Variants in ARHGAP35 observed in about 807,000 individuals in gnomAD.
ARHGAP35 encodes the protein Rho GTPase activating protein 35.
In ARHGAP35, 15 loss-of-function variants were observed where a neutral mutation model predicts 111.1. That is an observed-to-expected ratio of 0.13 (90% CI 0.09 to 0.21). The LOEUF (loss-of-function observed/expected upper bound fraction) is 0.21. Among genes scored for constraint, ARHGAP35 ranks in the 10% least tolerant of loss-of-function variants. The pLI is 1.00. For synonymous variants in ARHGAP35, 643 were observed against 710.3 expected (o/e 0.91, Z 1.51); for missense variants, 1,262 against 1,873.0 (o/e 0.67, Z 6.02).
In ARHGAP35 at chr19:46,921,750, T is replaced by C; in HGVS notation, c.3075T>C (p.Ile1025=). 3 of 1,613,974 alleles carry C rather than the reference T, an allele frequency of 1.9e-6. No individual in the cohort carries two copies. The highest frequency in any genetic ancestry group is 2.5e-6 in the Non-Finnish European group (3 of 1,179,886). The change falls in exon 2 of 7, where the codon ATT becomes ATC. Residue 1025 remains isoleucine (I), a synonymous_variant. Transcript: ENST00000672722. This position sits in a 1 kb window ranked among gnomAD's most constrained non-coding sequence, Gnocchi z 4.3. The stretch of plus-strand genomic sequence containing the variant: ...AGGGAAATGATGGGCTGTCTTTCAT[T>C]ATGAGCAATTTTGAGAGTAAACTGA... ...ELEGNDGLSF[I]MSNFESKLNN...
intron 2 of ARHGAP35, among the ~76,000 whole-genome samples, chr19:46,933,666 TTTATACTGG>T (rs1454844074): frequency 6.6e-6 from 1 of 152,126 alleles, no homozygotes; most frequent in Non-Finnish European, 1.5e-5. Context: ...TTGTAAAGAA[TTTATACTGG>T]CTGGGTGCGG....
chr19:46,934,035 T>G (rs1272004084), intron 2 of ARHGAP35, among the ~76,000 whole-genome samples: 1 of 152,222 alleles, frequency 6.6e-6, no homozygotes, highest in Non-Finnish European at 1.5e-5. Context: ...CTTTGCAGCT[T>G]CCATTTCTGT....
chr19:46,955,293 A>G (rs930192975), intron 3 of ARHGAP35, among the ~76,000 whole-genome samples: 4 of 152,164 alleles, frequency 2.6e-5, no homozygotes, highest in South Asian at 2.1e-4. Context: ...TAGTTTGGAA[A>G]ACTTTTAAAT....
At chr19:46,956,201 C>T (rs1262103998) in intron 3 of ARHGAP35, among the ~76,000 whole-genome samples, 1 of 152,066 alleles carries the variant, frequency 6.6e-6, no homozygotes, top group Admixed American at 6.6e-5. Context: ...ACCTGTAGTC[C>T]CAGCTACTTG....
Position 46,920,529 on chromosome 19 carries a change from T to C in ARHGAP35, c.1854T>C (p.Ala618=). Reference sequence around the variant, plus strand: ...GAGAGTTGGCCAATGAGATTCGAGCTCTTTGTACAAATGATGACAAGTATG... The same window carrying C: ...GAGAGTTGGCCAATGAGATTCGAGCCCTTTGTACAAATGATGACAAGTATG... ...LARELANEIR[A]LCTNDDKYVI... is the part of the protein sequence containing the mutation. Residue 618 remains alanine (A), a synonymous_variant, in exon 2 of 7, where the codon GCT becomes GCC. Coordinates refer to ENST00000672722, the MANE Select transcript of ARHGAP35 (RefSeq NM_004491.5). The surrounding 1 kb of genome is among the most constrained non-coding windows in gnomAD (Gnocchi z 7.0). 5 of 1,614,000 alleles carry C rather than the reference T, an allele frequency of 3.1e-6. No individual in the cohort carries two copies. The highest frequency in any genetic ancestry group is 4.2e-6 in the Non-Finnish European group (5 of 1,179,860).
At chr19:46,923,027 A>T (rs958894202) in intron 2 of ARHGAP35, among the ~76,000 whole-genome samples, 3 of 151,980 alleles carry the variant, frequency 2.0e-5, no homozygotes, top group Non-Finnish European at 2.9e-5. Flanking sequence ...AGGGAGAGAA[A>T]AGAAAAAGTT....
At chr19:46,872,079 T>C (rs2055890666) in intron 1 of ARHGAP35, among the ~76,000 whole-genome samples, 1 of 152,132 alleles carries the variant, frequency 6.6e-6, no homozygotes, top group Admixed American at 6.6e-5. Flanking sequence ...TATATGAATG[T>C]TTATAAATTT....
intron 3 of ARHGAP35, among the ~76,000 whole-genome samples, chr19:46,984,343 T>C (rs913015636): frequency 6.6e-6 from 1 of 152,116 alleles, no homozygotes; most frequent in African/African-American, 2.4e-5. Flanking sequence ...CAGTGGGGTG[T>C]TCTAGACACA....
intron 1 of ARHGAP35, among the ~76,000 whole-genome samples, chr19:46,890,781 C>T (rs1355735013): frequency 1.3e-5 from 2 of 152,216 alleles, no homozygotes; most frequent in African/African-American, 4.8e-5. Context: ...TCAAATGGAA[C>T]TCACTTAAAA....
intron 1 of ARHGAP35, among the ~76,000 whole-genome samples, chr19:46,862,045 C>T (rs1288201104): frequency 1.3e-5 from 2 of 152,142 alleles, no homozygotes; most frequent in Non-Finnish European, 2.9e-5. Context: ...ACCGTGCTTG[C>T]CTGTTCCCCT....
At position 47,000,429 on chromosome 19, in the gene ARHGAP35, C is replaced by T. The variant is rs778860144; in HGVS notation, c.4241C>T (p.Ala1414Val). The T allele has an allele frequency of 2.5e-6, 4 of 1,613,776 alleles. No individual in the cohort carries two copies. Among genetic ancestry groups the T allele is most frequent in the Non-Finnish European group, 3.4e-6 (4 of 1,179,878 alleles). Reference protein sequence around the residue: ...LMRPDFSTMDALTATRTYQTI... With the variant: ...LMRPDFSTMDVLTATRTYQTI... ...AGACCTGATTTCAGCACTATGGACG[C>T]CCTCACAGCCACGCGCACCTACCAG... The change falls in exon 7 of 7, where the codon GCC (alanine) becomes GTC (valine). Residue 1414 changes from alanine (A) to valine (V), a missense_variant. Ala to Val is a moderately conservative substitution (Grantham distance 64). Around this residue, in one of 8 missense-constraint regions of ARHGAP35, gnomAD observed 23 missense variants for 63.9 expected, o/e 0.36. Coordinates refer to ENST00000672722, the MANE Select transcript of ARHGAP35 (RefSeq NM_004491.5). This position sits in a 1 kb window ranked among gnomAD's most constrained non-coding sequence, Gnocchi z 6.9.
chr19:46,939,708 C>T (rs1412870288), intron 3 of ARHGAP35, among the ~76,000 whole-genome samples: 2 of 152,038 alleles, frequency 1.3e-5, no homozygotes, highest in Admixed American at 6.6e-5. Flanking sequence ...CCACCATGCC[C>T]GGCCTGCACC....
chr19:46,937,426 T>C lies in ARHGAP35; in HGVS notation c.3826+18T>C, dbSNP rs2056316056. On this transcript the variant is annotated intron_variant, in intron 3 of 6. Transcript: ENST00000672722. ...AGCCACAGGTAAGAGTATTACCTCATAGCAGTTTATAACTTTCACTGTCTA... is the reference window on the plus strand; with the variant it reads ...AGCCACAGGTAAGAGTATTACCTCACAGCAGTTTATAACTTTCACTGTCTA... 2 of 1,612,224 alleles carry C rather than the reference T, an allele frequency of 1.2e-6. No homozygotes were observed. The highest frequency in any genetic ancestry group is 2.7e-5 in the African/African-American group (2 of 74,902).
At chr19:46,893,546 T>C (rs1010512156) in intron 1 of ARHGAP35, among the ~76,000 whole-genome samples, 5 of 151,896 alleles carry the variant, frequency 3.3e-5, no homozygotes, top group African/African-American at 4.8e-5. Flanking sequence ...GTTTTGAGGA[T>C]CAAATGAGAA....
intron 2 of ARHGAP35, among the ~76,000 whole-genome samples, chr19:46,929,605 T>TC (rs1242371765): frequency 6.7e-6 from 1 of 149,396 alleles, no homozygotes; most frequent in East Asian, 1.9e-4. Flanking sequence ...TTTTTTTTTT[T>TC]TTTTTTTTTT....
At position 47,000,816 on chromosome 19, in the gene ARHGAP35, G is replaced by T. The variant is rs369621198; in HGVS notation, c.*128G>T. The T allele has an allele frequency of 5.2e-6, 8 of 1,542,698 alleles. No homozygotes were observed. In the South Asian group the frequency reaches 7.2e-5, roughly 14 times the overall value. On this transcript the variant is annotated 3_prime_UTR_variant, in exon 7 of 7. Coordinates refer to ENST00000672722, the MANE Select transcript of ARHGAP35 (RefSeq NM_004491.5). The surrounding 1 kb of genome is among the most constrained non-coding windows in gnomAD (Gnocchi z 6.9). The stretch of plus-strand genomic sequence containing the variant: ...GTGGCTCTCCCCATTACCTTCTCAA[G>T]ACCTCAGTGGGAGCACCAGCCAATG...
rs2056766366 is a variant in ARHGAP35 at position 47,004,639 on chromosome 19, A to G, written c.*3951A>G. The G allele has an allele frequency of 1.3e-5, 2 of 152,698 alleles. No individual in the cohort carries two copies. The highest frequency in any genetic ancestry group is 4.1e-4 in the South Asian group (2 of 4,836). The allele number at this position is 152,698 out of a possible 1,614,324, so 9.5% of individuals were successfully genotyped here. ...ATCTTTATATATGTTGAATTAACAA[A>G]TATTTTGAGTTTCTGAGAAAAAACA... On this transcript the variant is annotated 3_prime_UTR_variant, in exon 7 of 7. Coordinates refer to ENST00000672722, the MANE Select transcript of ARHGAP35 (RefSeq NM_004491.5).
chr19:46,916,518 T>G (rs747778036), intron 1 of ARHGAP35, among the ~76,000 whole-genome samples: 1 of 152,196 alleles, frequency 6.6e-6, no homozygotes, highest in Non-Finnish European at 1.5e-5. Flanking sequence ...CAGTTATTGA[T>G]TCTTTCAGTG....
At chr19:46,973,158 T>G (rs2056560452) in intron 3 of ARHGAP35, among the ~76,000 whole-genome samples, 1 of 151,248 alleles carries the variant, frequency 6.6e-6, no homozygotes, top group South Asian at 2.1e-4. Context: ...AGGTCAGGAA[T>G]TCAAGACCAG....
Sources: gnomAD v4.1 joint callset for allele counts (sites outside exome capture counted in the v4.1 genomes callset) on GRCh38, gnomAD v4.1.1 for gene constraint, gnomAD v4.1.1 regional missense constraint, Gnocchi (gnomAD v3.1) non-coding constraint, MANE v1.5 for transcripts, NCBI Gene and HGNC (gene_info 2026-07-23, HGNC 2026-07-21) for gene names.